FAF2: variants seen among roughly 807,000 people sequenced by gnomAD.
FAF2 encodes the protein Fas associated factor family member 2, also known as FAS-associated factor 2.
A neutral mutation model predicts 62.3 loss-of-function variants in FAF2; 9 were observed. The observed-to-expected ratio is 0.14, with a 90% CI of 0.09 to 0.25. The LOEUF (loss-of-function observed/expected upper bound fraction) is 0.25. Ranked by LOEUF, FAF2 falls within the 10% of genes least tolerant of loss-of-function variation. The probability of loss-of-function intolerance (pLI) is 1.00; values close to 1 mark genes in which losing one functional copy is unlikely to be tolerated. For missense variants in FAF2, 368 were observed against 556.2 expected (o/e 0.66, Z 3.40); for synonymous variants, 202 against 198.0 (o/e 1.02, Z -0.17).
chr5:176,455,288 A>C (rs1758261674), intron 1 of FAF2, among the ~76,000 whole-genome samples: 1 of 152,092 alleles, frequency 6.6e-6, no homozygotes, highest in African/African-American at 2.4e-5. Flanking sequence ...CTACAACAAA[A>C]AAATTAGCTG....
chr5:176,474,298 A>G (rs529548267), intron 1 of FAF2, among the ~76,000 whole-genome samples: 12 of 152,292 alleles, frequency 7.9e-5, no homozygotes, highest in Admixed American at 6.5e-4. Context: ...TTTTTACTTA[A>G]TTGTTCAAAT....
rs1343948427 is a variant in FAF2 at position 176,448,613 on chromosome 5, C to T, written c.63+143C>T. On this transcript the variant is annotated intron_variant, in intron 1 of 10. Transcript: ENST00000261942. ...CCCTCCCCCCCAGACTCCAACTGCC[C>T]TGATTCCCCCGGCCCCCAAGCCTCT... The T allele has an allele frequency of 4.9e-6, 4 of 811,628 alleles. No individual in the cohort carries two copies. In the East Asian group the frequency reaches 1.1e-4, roughly 22 times the overall value. 50.3% of individuals were successfully genotyped at this position (811,628 alleles called of 1,614,324 possible).
rs756262266 is a variant in FAF2, at chr5:176,506,981, A to C, written c.*31A>C. On this transcript the variant is annotated 3_prime_UTR_variant, in exon 11 of 11. Coordinates refer to ENST00000261942, the MANE Select transcript of FAF2 (RefSeq NM_014613.3). Reference sequence around the variant, plus strand: ...TTTTCTTCCTGTCCCCTCCTACCCCAGTCCCTAAAAGAAATGGGGAAAAAA... The same window carrying C: ...TTTTCTTCCTGTCCCCTCCTACCCCCGTCCCTAAAAGAAATGGGGAAAAAA... 7.3e-6 allele frequency: 10 copies of C among 1,368,316 alleles called. No individual in the cohort carries two copies. The highest frequency in any genetic ancestry group is 9.5e-6 in the Non-Finnish European group (10 of 1,048,228). The allele number at this position is 1,368,316 out of a possible 1,614,324, so 84.8% of individuals were successfully genotyped here. A position where few individuals can be genotyped will look rare whatever the true frequency, so the allele number is the denominator to read the frequency against.
chr5:176,454,577 G>GAA (rs56324116), intron 1 of FAF2, among the ~76,000 whole-genome samples: 1,238 of 95,138 alleles, frequency 0.013, 72 homozygotes, highest in Middle Eastern at 0.017. Flanking sequence ...GATTCTGTCT[G>GAA]AAAAAAAAAA....
At chr5:176,466,800 G>GTAAGATACATTT (rs1758476686) in intron 1 of FAF2, among the ~76,000 whole-genome samples, 1 of 148,120 alleles carries the variant, frequency 6.8e-6, no homozygotes, top group Non-Finnish European at 1.5e-5. Context: ...CAAGATGTTT[G>GTAAGATACATTT]ACCAAAGCTG....
chr5:176,504,962 G>T lies in FAF2; in HGVS notation c.1156-1806G>T, dbSNP rs1755651444. 1.3e-5 allele frequency among the ~76,000 whole-genome samples: 2 copies of T among 151,378 alleles called. 1 individual carries two copies. ...TGCTTGAACCTGGGAGGTCGAGGCT[G>T]CAGTGAGTCGTGTTTGCACCACTGC... On this transcript the variant is annotated intron_variant, in intron 10 of 10. Coordinates refer to ENST00000261942, the MANE Select transcript of FAF2 (RefSeq NM_014613.3).
intron 1 of FAF2, among the ~76,000 whole-genome samples, chr5:176,474,675 G>A (rs545610932): frequency 6.6e-6 from 1 of 152,258 alleles, no homozygotes; most frequent in East Asian, 1.9e-4. Context: ...ATTTCCCCAT[G>A]ACTGGCCCCT....
intron 8 of FAF2, among the ~76,000 whole-genome samples, chr5:176,497,330 A>G (rs1755512936): frequency 6.6e-6 from 1 of 152,248 alleles, no homozygotes; most frequent in East Asian, 1.9e-4. Flanking sequence ...TAAAACCACA[A>G]AAAAGCACAA....
intron 7 of FAF2, 121 bp from the exon 8 acceptor site, chr5:176,496,365 A>T (rs553291088): frequency 1.4e-5 from 10 of 722,344 alleles, no homozygotes; most frequent in Non-Finnish European, 1.9e-5. Context: ...AGACTAAATG[A>T]TACCTCTCGT....
Position 176,506,202 on chromosome 5 carries a change from A to C in FAF2, c.1156-566A>C, listed in dbSNP as rs530252237. Among the ~76,000 whole-genome samples the C allele has an allele frequency of 4.0e-5, 6 of 148,286 alleles. No individual in the cohort carries two copies. In the East Asian group the frequency reaches 1.2e-3, roughly 30 times the overall value. On this transcript the variant is annotated intron_variant, in intron 10 of 10. Coordinates refer to ENST00000261942, the MANE Select transcript of FAF2 (RefSeq NM_014613.3). ...AGAGCGAGACTCTCTCAAAAAAAAAAAAAACAAAAAAAAAAAACTGGATCC... is the reference window on the plus strand; with the variant it reads ...AGAGCGAGACTCTCTCAAAAAAAAACAAAACAAAAAAAAAAAACTGGATCC...
intron 2 of FAF2, 147 bp downstream of exon 2, chr5:176,479,403 T>A: frequency 1.5e-6 from 1 of 659,640 alleles, no homozygotes; most frequent in South Asian, 2.1e-5. Flanking sequence ...AGGTAAAGAA[T>A]GTGAGAAAGT....
At chr5:176,467,809 AG>A (rs1758497514) in intron 1 of FAF2, among the ~76,000 whole-genome samples, 1 of 152,220 alleles carries the variant, frequency 6.6e-6, no homozygotes, top group African/African-American at 2.4e-5. Context: ...TGTGAAGATT[AG>A]CTATGTTAGT....
chr5:176,496,863 A>G (rs1011447374), intron 8 of FAF2, 200 bp downstream of exon 8: 2 of 365,750 alleles, frequency 5.5e-6, no homozygotes, highest in African/African-American at 4.2e-5. Flanking sequence ...GAGATGTTCA[A>G]AATAAAGACA....
intron 2 of FAF2, 31 bp from the exon 3 acceptor site, chr5:176,486,324 G>GA (rs1368061916): frequency 3.1e-6 from 5 of 1,609,354 alleles, no homozygotes; most frequent in Non-Finnish European, 4.2e-6. Flanking sequence ...GAGCATCGCT[G>GA]AAACTCTTGC....
intron 8 of FAF2, among the ~76,000 whole-genome samples, chr5:176,498,221 G>A (rs1274062469): frequency 1.3e-5 from 2 of 152,300 alleles, no homozygotes; most frequent in East Asian, 3.9e-4. Flanking sequence ...GAAACTTTCC[G>A]AGGTAACTGA....
At chr5:176,498,104 G>C (rs1385422453) in intron 8 of FAF2, among the ~76,000 whole-genome samples, 1 of 152,132 alleles carries the variant, frequency 6.6e-6, no homozygotes, top group African/African-American at 2.4e-5. Flanking sequence ...CTGCACTCTA[G>C]CCTGGGTGAC....
intron 10 of FAF2, among the ~76,000 whole-genome samples, chr5:176,506,007 G>A (rs1388850586): frequency 1.3e-5 from 2 of 151,920 alleles, no homozygotes; most frequent in Non-Finnish European, 2.9e-5. Context: ...TGGCTAACAC[G>A]GTGAAACCCC....
intron 2 of FAF2, among the ~76,000 whole-genome samples, chr5:176,482,970 T>C (rs1011014510): frequency 2.0e-5 from 3 of 152,040 alleles, no homozygotes; most frequent in Admixed American, 6.6e-5. Flanking sequence ...GACCTTGTGA[T>C]CCGCCCGCCT....
intron 1 of FAF2, among the ~76,000 whole-genome samples, chr5:176,458,705 A>C (rs993850164): frequency 9.2e-5 from 14 of 152,248 alleles, no homozygotes; most frequent in African/African-American, 3.1e-4. Context: ...TGCCTGGCCC[A>C]GAACAGTATT....
Sources: gnomAD v4.1 joint callset for allele counts (sites outside exome capture counted in the v4.1 genomes callset) on GRCh38, gnomAD v4.1.1 for gene constraint, MANE v1.5 for transcripts, NCBI Gene and HGNC (gene_info 2026-07-23, HGNC 2026-07-21) for gene names.